Variants in CSMD1 observed in about 807,000 individuals in gnomAD.
The protein encoded by CSMD1 is CUB and Sushi multiple domains 1, also known as CUB and sushi domain-containing protein 1.
CSMD1 carries 213 observed loss-of-function variants against 417.5 expected under a neutral mutation model. The observed-to-expected ratio is 0.51, with a 90% CI of 0.46 to 0.57. The LOEUF (loss-of-function observed/expected upper bound fraction) is 0.57. Ranked by LOEUF, CSMD1 falls within the 20% of genes least tolerant of loss-of-function variation. The probability of loss-of-function intolerance (pLI) is 0.00; values close to 1 mark genes in which losing one functional copy is unlikely to be tolerated. For synonymous variants in CSMD1, 2,862 were observed against 1,736.8 expected, an observed-to-expected ratio of 1.65 and a Z score of -16.11; for missense variants, 6,923 against 4,529.7, an observed-to-expected ratio of 1.53 and a Z score of -15.17.
intron 5 of CSMD1, among the ~76,000 whole-genome samples, chr8:3,852,821 C>T (rs940648492): frequency 5.3e-5 from 8 of 152,114 alleles, no homozygotes; most frequent in African/African-American, 1.2e-4. Flanking sequence ...AACAATTCTC[C>T]GCTTTCTGTA....
intron 4 of CSMD1, among the ~76,000 whole-genome samples, chr8:4,005,365 C>A (rs560309577): frequency 3.9e-5 from 6 of 152,110 alleles, no homozygotes; most frequent in African/African-American, 1.4e-4. Context: ...AGGGGCGGGT[C>A]CGGCTCCTTG....
At chr8:2,981,173 G>A (rs1289071288) in intron 54 of CSMD1, among the ~76,000 whole-genome samples, 1 of 152,208 alleles carries the variant, frequency 6.6e-6, no homozygotes, top group Non-Finnish European at 1.5e-5. Flanking sequence ...TACCATTGTT[G>A]CAAATGGGTG....
intron 1 of CSMD1, among the ~76,000 whole-genome samples, chr8:4,768,307 G>T (rs567136154): frequency 6.6e-6 from 1 of 151,776 alleles, no homozygotes; most frequent in Admixed American, 6.6e-5. Context: ...ACACTCATTC[G>T]TATACTCGCC....
intron 2 of CSMD1, among the ~76,000 whole-genome samples, chr8:4,446,118 T>C (rs955599554): frequency 6.6e-6 from 1 of 152,210 alleles, no homozygotes; most frequent in African/African-American, 2.4e-5. Context: ...TGTGATTTTG[T>C]TGTTACATTC....
intron 5 of CSMD1, among the ~76,000 whole-genome samples, chr8:3,789,280 G>A (rs757334433): frequency 4.6e-5 from 7 of 151,422 alleles, no homozygotes; most frequent in Non-Finnish European, 1.0e-4. Flanking sequence ...CTGAACTGTT[G>A]TTTTCAAGCT....
At chr8:4,331,582 A>T (rs1436038961) in intron 3 of CSMD1, among the ~76,000 whole-genome samples, 1 of 152,180 alleles carries the variant, frequency 6.6e-6, no homozygotes, top group Non-Finnish European at 1.5e-5. Flanking sequence ...GACTGCAGAC[A>T]ATGGGGCAAC....
chr8:4,622,782 C>A (rs949794894), intron 2 of CSMD1, among the ~76,000 whole-genome samples: 1 of 152,094 alleles, frequency 6.6e-6, no homozygotes, highest in Non-Finnish European at 1.5e-5. Context: ...CATTTCAATA[C>A]AGCACCCAAA....
At position 3,465,630 on chromosome 8, in the gene CSMD1, C is replaced by G. The variant is rs534610282; in HGVS notation, c.1561+3082G>C. On this transcript the variant is annotated intron_variant, in intron 12 of 69. Coordinates refer to ENST00000635120, the MANE Select transcript of CSMD1 (RefSeq NM_033225.6). ...TGTGATCCGAAGATTTGAGGGTCCC[C>G]GAAATATTTTACACTACTCAGGCTA... Among the ~76,000 whole-genome samples the G allele has an allele frequency of 3.3e-5, 5 of 152,162 alleles. No homozygotes were observed. The East Asian group carries it at 9.7e-4, about 29-fold the overall frequency.
chr8:3,965,434 G>T (rs765077240), intron 5 of CSMD1, among the ~76,000 whole-genome samples: 1 of 152,120 alleles, frequency 6.6e-6, no homozygotes, highest in Non-Finnish European at 1.5e-5. Flanking sequence ...TTCGGAAAAA[G>T]GGTAGAATGT....
In CSMD1 at chr8:3,254,277, A is replaced by C. The variant is rs549220760; in HGVS notation, c.4154-24046T>G. ...TCTGATGGGCTTCCCTTTGTGGGTA[A>C]CCCGACCTTTCTCTCTGGCTGCCCT... On this transcript the variant is annotated intron_variant, in intron 26 of 69. Transcript: ENST00000635120. Among the ~76,000 whole-genome samples, 3 of 152,228 alleles carry C rather than the reference A, an allele frequency of 2.0e-5. No homozygotes were observed. The East Asian group carries it at 5.8e-4, about 29-fold the overall frequency.
At chr8:4,702,158 T>C (rs1176438298) in intron 1 of CSMD1, among the ~76,000 whole-genome samples, 1 of 152,200 alleles carries the variant, frequency 6.6e-6, no homozygotes, top group Non-Finnish European at 1.5e-5. Context: ...TAATGAATGC[T>C]GGGCTTAATA....
intron 3 of CSMD1, among the ~76,000 whole-genome samples, chr8:4,308,634 G>A (rs190662151): frequency 6.6e-6 from 1 of 152,128 alleles, no homozygotes; most frequent in South Asian, 2.1e-4. Flanking sequence ...GGAAAACTAA[G>A]GATTCTTATT....
intron 52 of CSMD1, among the ~76,000 whole-genome samples, chr8:3,015,592 C>G (rs1021964768): frequency 6.6e-6 from 1 of 151,854 alleles, no homozygotes; most frequent in Non-Finnish European, 1.5e-5. Flanking sequence ...ACTCACATGG[C>G]GTCTTGTGAA....
chr8:2,938,695 T>C lies in CSMD1; in HGVS notation c.10585A>G (p.Asn3529Asp). ...YNGYAGHENS[N>D]GQASFENPMY... is the part of the protein sequence containing the mutation. ...GGGTTTTCAAACGATGCTTGTCCAT[T>C]GCTGTTTTCATGCCCAGCATAGCCA... The change falls in exon 70 of 70, where the codon AAT becomes GAT. Residue 3529 changes from asparagine to aspartate, a missense_variant. By Grantham distance (23) the Asn-to-Asp change is conservative (BLOSUM62 1). Transcript: ENST00000635120. 1 of 1,612,050 alleles carries C rather than the reference T, an allele frequency of 6.2e-7. No homozygotes were observed. The highest frequency in any genetic ancestry group is 1.1e-5 in the South Asian group (1 of 90,538).
chr8:3,666,662 T>C (rs2623617), intron 7 of CSMD1, among the ~76,000 whole-genome samples: 19,244 of 152,126 alleles, frequency 0.13, 1,354 homozygotes, highest in African/African-American at 0.17. Context: ...GTTTCCCCCA[T>C]ACTGTTCTCA....
intron 3 of CSMD1, among the ~76,000 whole-genome samples, chr8:4,374,175 C>T (rs532549162): frequency 1.3e-5 from 2 of 152,262 alleles, no homozygotes; most frequent in Admixed American, 1.3e-4. Flanking sequence ...TAGATCCCCC[C>T]TCTGAGTTCC....
Position 3,239,725 on chromosome 8 carries a change from G to A in CSMD1, c.4154-9494C>T, listed in dbSNP as rs146587858. Among the ~76,000 whole-genome samples, 1,466 of 152,316 alleles carry A rather than the reference G, an allele frequency of 9.6e-3. 22 individuals are homozygous for A. The highest frequency in any genetic ancestry group is 0.033 in the African/African-American group (1,363 of 41,574). ...TATAGCATAGCCTGCCTTTGCTGGC[G>A]TGGGGCGATTAGGCCTGGTGGAACT... On this transcript the variant is annotated intron_variant, in intron 26 of 69. Coordinates refer to ENST00000635120, the MANE Select transcript of CSMD1 (RefSeq NM_033225.6).
intron 8 of CSMD1, among the ~76,000 whole-genome samples, chr8:3,600,916 G>A (rs1801331373): frequency 6.6e-6 from 1 of 152,296 alleles, no homozygotes; most frequent in African/African-American, 2.4e-5. Context: ...TTTGCTATGT[G>A]ATTGAAAATG....
intron 3 of CSMD1, among the ~76,000 whole-genome samples, chr8:4,287,259 C>G (rs894006880): frequency 7.9e-5 from 12 of 152,170 alleles, no homozygotes; most frequent in African/African-American, 2.4e-4. Context: ...TTCCCCCTCA[C>G]ATTCCTTGAA....
Sources: allele counts gnomAD v4.1 joint callset (sites outside exome capture counted in the v4.1 genomes callset), GRCh38; gene constraint gnomAD v4.1.1; transcripts MANE v1.5; gene names NCBI Gene and HGNC (gene_info 2026-07-23, HGNC 2026-07-21).